Variants in WDR11 observed in about 807,000 individuals in gnomAD.
WDR11 encodes WD repeat domain 11, also known as WD repeat-containing protein 11.
In WDR11, 83 loss-of-function variants were observed where a neutral mutation model predicts 151.2. The observed-to-expected ratio is 0.55, with a 90% CI of 0.46 to 0.66. The LOEUF (loss-of-function observed/expected upper bound fraction) is 0.66, where lower values mean the gene tolerates loss of function less well. WDR11 is among the 30% of genes least tolerant of loss of function. The probability of loss-of-function intolerance (pLI) is 0.00; values close to 1 mark genes in which losing one functional copy is unlikely to be tolerated. For missense variants in WDR11, 1,301 were observed against 1,480.9 expected (o/e 0.88, Z 1.99); for synonymous variants, 484 against 533.1 (o/e 0.91, Z 1.27).
chr10:120,871,911 A>G (rs1846557869), intron 10 of WDR11, among the ~76,000 whole-genome samples: 1 of 152,222 alleles, frequency 6.6e-6, no homozygotes, highest in African/African-American at 2.4e-5. Flanking sequence ...CATTGATTTC[A>G]TAGTAATGTG....
At chr10:120,855,295 T>C (rs1307624697) in intron 2 of WDR11, among the ~76,000 whole-genome samples, 2 of 152,162 alleles carry the variant, frequency 1.3e-5, no homozygotes, top group Non-Finnish European at 2.9e-5. Flanking sequence ...AAAGGGATGA[T>C]TTATGATTAA....
rs757900238 is a variant in WDR11, at chr10:120,871,253, C to A, written c.1378C>A (p.Leu460Ile). 1 of 1,614,158 alleles carries A rather than the reference C, an allele frequency of 6.2e-7. No individual in the cohort carries two copies. The highest frequency in any genetic ancestry group is 8.5e-7 in the Non-Finnish European group (1 of 1,180,036). Residue 460 changes from leucine (L) to isoleucine (I), a missense_variant, in exon 10 of 29, where the codon CTT becomes ATT. Around this residue, in one of 3 missense-constraint regions of WDR11, gnomAD observed 692 missense variants for 762.5 expected, o/e 0.91. Coordinates refer to ENST00000263461, the MANE Select transcript of WDR11 (RefSeq NM_018117.12). Reference sequence around the variant, plus strand: ...CCTCAAGTTCCTGCTGACGGGACTGCTTTCAGGACTGCCCGCACCACAGTT... The same window carrying A: ...CCTCAAGTTCCTGCTGACGGGACTGATTTCAGGACTGCCCGCACCACAGTT... ...VHLKFLLTGL[L>I]SGLPAPQFAI...
At chr10:120,857,825 GCAAA>G (rs562259358) in intron 2 of WDR11, among the ~76,000 whole-genome samples, 214 of 152,242 alleles carry the variant, frequency 1.4e-3, no homozygotes, top group South Asian at 2.3e-3. Flanking sequence ...GAATAGAAAT[GCAAA>G]CAAAGACCAC....
intron 27 of WDR11, 121 bp from the exon 28 acceptor site, chr10:120,906,655 A>G (rs193065789): frequency 1.1e-5 from 18 of 1,578,916 alleles, no homozygotes; most frequent in Admixed American, 1.8e-5. Flanking sequence ...AAGTGCTTGT[A>G]TCTTAATGCA....
intron 10 of WDR11, among the ~76,000 whole-genome samples, chr10:120,873,574 A>C (rs10466157): frequency 6.6e-6 from 1 of 151,930 alleles, no homozygotes; most frequent in Admixed American, 6.5e-5. Context: ...ATGTGTATTA[A>C]TGTAAGTTTT....
intron 3 of WDR11, 128 bp from the exon 4 acceptor site, chr10:120,859,981 C>A: frequency 1.0e-6 from 1 of 980,698 alleles, no homozygotes; most frequent in Non-Finnish European, 1.6e-6. Flanking sequence ...ACACACACGT[C>A]ACATTTGGGG....
chr10:120,858,511 G>C (rs543119088), intron 2 of WDR11, 132 bp from the exon 3 acceptor site: 3 of 1,127,540 alleles, frequency 2.7e-6, no homozygotes, highest in South Asian at 1.4e-5. Context: ...ATGAAAACCA[G>C]TTTTCTGTTT....
At position 120,865,645 on chromosome 10, in the gene WDR11, C is replaced by T; in HGVS notation, c.895C>T (p.Gln299Ter). ...CTATTTAAAGGTAATACCCTGCTTT[C>T]AGCGTGATGGTTTATTTTGTCTACA... ...VPFLQVIPCF[Q>*]RDGLFCLHEN... Residue 299 changes from glutamine (Q) to a stop codon, truncating the protein, a stop_gained, in exon 7 of 29, where the codon CAG becomes TAG. Transcript: ENST00000263461. LOFTEE classifies it high-confidence loss of function. The T allele has an allele frequency of 6.2e-7, 1 of 1,608,956 alleles. No homozygotes were observed. The highest frequency in any genetic ancestry group is 8.5e-7 in the Non-Finnish European group (1 of 1,177,762).
chr10:120,899,178 G>C (rs1564720943), intron 19 of WDR11, among the ~76,000 whole-genome samples: 1 of 152,122 alleles, frequency 6.6e-6, no homozygotes, highest in African/African-American at 2.4e-5. Context: ...AAGTAAGCCA[G>C]CTGCTGGATG....
chr10:120,870,925 G>A (rs2133755949), intron 9 of WDR11, among the ~76,000 whole-genome samples: 1 of 152,236 alleles, frequency 6.6e-6, no homozygotes, highest in Non-Finnish European at 1.5e-5. Context: ...AGAAGACATA[G>A]GTCCCTGCAT....
At chr10:120,903,000 G>C in intron 22 of WDR11, 55 bp from the exon 23 acceptor site, 1 of 1,583,892 alleles carries the variant, frequency 6.3e-7, no homozygotes, top group Non-Finnish European at 8.7e-7. Context: ...ACTCTAGGAA[G>C]CCATCCAGGC....
chr10:120,859,263 T>C, intron 3 of WDR11, among the ~76,000 whole-genome samples: 1 of 135,362 alleles, frequency 7.4e-6, no homozygotes, highest in East Asian at 2.2e-4. Flanking sequence ...CGGTATTCTT[T>C]TTTTTTTTCT....
chr10:120,906,006 C>T lies in WDR11; in HGVS notation c.3422C>T (p.Ala1141Val). Residue 1141 changes from alanine (A) to valine (V), a missense_variant, in exon 27 of 29, where the codon GCA becomes GTA. By Grantham distance (64) the Ala-to-Val change is moderately conservative. Transcript: ENST00000263461. ...TCTCTGGGCTGCTTTTTTAGCGTGG[C>T]AGAGACGCTTCACAGGTAAACCGAG... ...LLSLGCFFSV[A>V]ETLHSMRYFD... is the part of the protein sequence containing the mutation. 2 of 1,613,804 alleles carry T rather than the reference C, an allele frequency of 1.2e-6. No individual in the cohort carries two copies. Among genetic ancestry groups the T allele is most frequent in the Non-Finnish European group, 8.5e-7 (1 of 1,180,030 alleles).
At chr10:120,891,350 A>G (rs1250211509) in intron 19 of WDR11, among the ~76,000 whole-genome samples, 4 of 152,186 alleles carry the variant, frequency 2.6e-5, no homozygotes, top group African/African-American at 9.6e-5. Context: ...TAAAATGACC[A>G]GTCAAGCAAA....
intron 28 of WDR11, chr10:120,907,603 T>A (rs74532429): frequency 5.1e-5 from 1 of 19,674 alleles, no homozygotes; most frequent in East Asian, 9.1e-4. Flanking sequence ...GTGTTTATAA[T>A]TTTTTTTTTT....
intron 12 of WDR11, 85 bp downstream of exon 12, chr10:120,878,544 A>G (rs1846884913): frequency 2.6e-6 from 3 of 1,144,086 alleles, no homozygotes; most frequent in Admixed American, 3.8e-5. Context: ...TACTTCTTTC[A>G]CCTTGGAATT....
chr10:120,856,718 TTTGA>T (rs1015952492), intron 2 of WDR11, among the ~76,000 whole-genome samples: 1 of 152,092 alleles, frequency 6.6e-6, no homozygotes, highest in African/African-American at 2.4e-5. Context: ...TTTTCAATAG[TTTGA>T]TTATTAAAAT....
rs556683748 is a variant in WDR11 at position 120,905,718 on chromosome 10, TATC to T, written c.3292-155_3292-153del. ...CCTGGGTCCCGTAGGCACAGACCGT[TATC>T]ATTATTCAGAGTATGCAGCAGCTTC... On this transcript the variant is annotated intron_variant, in intron 26 of 28. Transcript: ENST00000263461. The T allele has an allele frequency of 6.8e-4, 903 of 1,327,062 alleles. 8 individuals carry two copies. The African/African-American group carries it at 0.011, about 17-fold the overall frequency. The allele number at this position is 1,327,062 out of a possible 1,614,324, so 82.2% of individuals were successfully genotyped here.
chr10:120,873,423 T>C (rs1331567420), intron 10 of WDR11, among the ~76,000 whole-genome samples: 1 of 152,206 alleles, frequency 6.6e-6, no homozygotes, highest in Non-Finnish European at 1.5e-5. Context: ...AAGAAAACTT[T>C]GGAAAGAAAA....
Sources: allele counts gnomAD v4.1 joint callset (sites outside exome capture counted in the v4.1 genomes callset), GRCh38; gene constraint gnomAD v4.1.1; regional missense constraint gnomAD v4.1.1; transcripts MANE v1.5; gene names NCBI Gene and HGNC (gene_info 2026-07-23, HGNC 2026-07-21).